XPNPEP1: variants seen among roughly 807,000 people sequenced by gnomAD.
XPNPEP1 encodes the protein xaa-Pro aminopeptidase 1.
XPNPEP1 carries 39 observed loss-of-function variants against 92.4 expected under a neutral mutation model. The ratio of observed to expected loss-of-function variants is 0.42; its 90% CI spans 0.33 to 0.55. The LOEUF is 0.55. Ranked by LOEUF, XPNPEP1 falls within the 20% of genes least tolerant of loss-of-function variation. XPNPEP1 has a pLI of 0.08. For synonymous variants in XPNPEP1, 307 were observed against 299.4 expected (o/e 1.03, Z -0.26); for missense variants, 654 against 856.1 (o/e 0.76, Z 2.95).
intron 19 of XPNPEP1, 135 bp from the exon 20 acceptor site, chr10:109,868,847 CT>C: frequency 1.3e-6 from 1 of 741,990 alleles, no homozygotes; most frequent in Non-Finnish European, 2.3e-6. Flanking sequence ...CTGGTCACCA[CT>C]TTTCACAGAC....
intron 2 of XPNPEP1, among the ~76,000 whole-genome samples, chr10:109,914,788 A>G (rs1407616990): frequency 7.8e-6 from 1 of 127,632 alleles, no homozygotes; most frequent in Non-Finnish European, 1.6e-5. Flanking sequence ...CAAGGGCGAG[A>G]CTCCGTCTCA....
intron 15 of XPNPEP1, among the ~76,000 whole-genome samples, chr10:109,874,900 G>C (rs1472001778): frequency 6.6e-6 from 1 of 152,122 alleles, no homozygotes; most frequent in Non-Finnish European, 1.5e-5. Context: ...AGTGAGCCGA[G>C]ATCACGCCAC....
intron 2 of XPNPEP1, among the ~76,000 whole-genome samples, chr10:109,912,356 C>T (rs939893328): frequency 1.3e-5 from 2 of 152,156 alleles, no homozygotes; most frequent in Non-Finnish European, 2.9e-5. Context: ...TGGTAAGGGG[C>T]AGTGGCAGCA....
At chr10:109,918,419 T>G (rs898240853) in intron 1 of XPNPEP1, among the ~76,000 whole-genome samples, 6 of 151,122 alleles carry the variant, frequency 4.0e-5, no homozygotes, top group Non-Finnish European at 5.9e-5. Context: ...AGACCCTGTC[T>G]CAAAAAAAGA....
chr10:109,887,975 C>A, intron 7 of XPNPEP1, 74 bp downstream of exon 7: 1 of 1,567,848 alleles, frequency 6.4e-7, no homozygotes, highest in Non-Finnish European at 8.7e-7. Flanking sequence ...ATTCGGAGGA[C>A]GAGGCTGGAG....
At position 109,914,998 on chromosome 10, in the gene XPNPEP1, A is replaced by G; in HGVS notation, c.121+13T>C. The G allele has an allele frequency of 3.3e-6, 5 of 1,498,612 alleles. No homozygotes were observed. Among genetic ancestry groups the G allele is most frequent in the Non-Finnish European group, 4.5e-6 (5 of 1,121,028 alleles). 92.8% of individuals were successfully genotyped at this position (1,498,612 alleles called of 1,614,324 possible). Reference sequence around the variant, plus strand: ...TACAGATGTTCCATCTAATTTCCAGACAAAATTATTACCTGTTTCCACACC... The same window carrying G: ...TACAGATGTTCCATCTAATTTCCAGGCAAAATTATTACCTGTTTCCACACC... On this transcript the variant is annotated intron_variant, in intron 2 of 20. Coordinates refer to ENST00000502935, the MANE Select transcript of XPNPEP1 (RefSeq NM_020383.4).
intron 3 of XPNPEP1, chr10:109,894,158 G>C (rs1457289739): frequency 6.6e-6 from 1 of 152,256 alleles, no homozygotes; most frequent in East Asian, 1.9e-4. Flanking sequence ...CTGCTGGCCA[G>C]ACCCAAGGCA....
At chr10:109,913,500 A>C (rs2133556414) in intron 2 of XPNPEP1, among the ~76,000 whole-genome samples, 1 of 152,362 alleles carries the variant, frequency 6.6e-6, no homozygotes, top group South Asian at 2.1e-4. Context: ...TCTGTTGCAC[A>C]GCTGAGGGAA....
intron 3 of XPNPEP1, among the ~76,000 whole-genome samples, chr10:109,905,983 G>A (rs1849536948): frequency 1.3e-5 from 2 of 152,212 alleles, no homozygotes; most frequent in South Asian, 4.1e-4. Context: ...CCAATCTTGA[G>A]GTTGAGTTGT....
intron 1 of XPNPEP1, among the ~76,000 whole-genome samples, chr10:109,918,690 G>A (rs561026016): frequency 2.6e-5 from 4 of 152,172 alleles, no homozygotes; most frequent in South Asian, 4.1e-4. Flanking sequence ...GAACCCAGGA[G>A]GGGGAGCTTG....
chr10:109,870,050 A>G (rs778018162), intron 18 of XPNPEP1, 21 bp from the exon 19 acceptor site: 5 of 1,613,414 alleles, frequency 3.1e-6, no homozygotes, highest in Non-Finnish European at 4.2e-6. Context: ...CCAAATCCCA[A>G]AAATGAGAAG....
At chr10:109,918,906 A>G (rs1001126742) in intron 1 of XPNPEP1, among the ~76,000 whole-genome samples, 3 of 119,934 alleles carry the variant, frequency 2.5e-5, no homozygotes, top group Admixed American at 8.5e-5. Context: ...GAAGGAAGGA[A>G]GGAAGGAAGG....
chr10:109,900,325 AG>A (rs1439019303), intron 3 of XPNPEP1, among the ~76,000 whole-genome samples: 1 of 152,198 alleles, frequency 6.6e-6, no homozygotes, highest in Non-Finnish European at 1.5e-5. Context: ...CAAGAGCCAC[AG>A]GGAACAGCAG....
At chr10:109,906,934 G>T (rs1849588862) in intron 3 of XPNPEP1, among the ~76,000 whole-genome samples, 1 of 152,210 alleles carries the variant, frequency 6.6e-6, no homozygotes, top group South Asian at 2.1e-4. Flanking sequence ...CTTCTGTCCA[G>T]ATTTTCTTGA....
At chr10:109,872,537 A>C (rs975926204) in intron 16 of XPNPEP1, among the ~76,000 whole-genome samples, 1 of 152,250 alleles carries the variant, frequency 6.6e-6, no homozygotes, top group African/African-American at 2.4e-5. Context: ...ACACCAAAAG[A>C]ATCCTAGACG....
chr10:109,904,480 G>A (rs1245444375), intron 3 of XPNPEP1, among the ~76,000 whole-genome samples: 1 of 151,900 alleles, frequency 6.6e-6, no homozygotes, highest in Non-Finnish European at 1.5e-5. Context: ...CCCCGCCCCT[G>A]AAATAACTGG....
In XPNPEP1 at chr10:109,864,774, T is replaced by C. The variant is rs924897666; in HGVS notation, c.*410A>G. ...AGACAGCTAAGACAAAGCACAGTTC[T>C]GACATTTTTATTCACTGATCATAAA... On this transcript the variant is annotated 3_prime_UTR_variant, in exon 21 of 21. Transcript: ENST00000502935. 2 of 192,832 alleles carry C rather than the reference T, an allele frequency of 1.0e-5. No individual in the cohort carries two copies. The highest frequency in any genetic ancestry group is 2.2e-5 in the Non-Finnish European group (2 of 91,588). The allele number at this position is 192,832 out of a possible 1,614,324, so 11.9% of individuals were successfully genotyped here.
At chr10:109,877,492 G>C in intron 14 of XPNPEP1, 1 of 305,968 alleles carries the variant, frequency 3.3e-6, no homozygotes, top group Admixed American at 4.6e-5. Flanking sequence ...TAGTCATCAA[G>C]ATGCAAGGGC....
intron 1 of XPNPEP1, among the ~76,000 whole-genome samples, chr10:109,922,828 G>A (rs899887600): frequency 3.9e-5 from 6 of 152,216 alleles, no homozygotes; most frequent in Non-Finnish European, 8.8e-5. Context: ...GAGAGCCCAG[G>A]GCAGGCTACT....
Sources: allele counts gnomAD v4.1 joint callset (sites outside exome capture counted in the v4.1 genomes callset), GRCh38; gene constraint gnomAD v4.1.1; transcripts MANE v1.5; gene names NCBI Gene and HGNC (gene_info 2026-07-23, HGNC 2026-07-21).